The following PTPRG variants were observed in gnomAD, a reference collection of about 807,000 sequenced individuals.
The protein encoded by PTPRG is protein tyrosine phosphatase receptor type G.
A neutral mutation model predicts 165.3 loss-of-function variants in PTPRG; 102 were observed. The ratio of observed to expected loss-of-function variants is 0.62; its 90% CI spans 0.53 to 0.73. The LOEUF is 0.73. Ranked by LOEUF, PTPRG falls within the 30% of genes least tolerant of loss-of-function variation. PTPRG has a pLI of 0.00. For missense variants in PTPRG, 1,866 were observed against 1,861.4 expected, an observed-to-expected ratio of 1.00 and a Z score of -0.05; for synonymous variants, 675 against 669.5, an observed-to-expected ratio of 1.01 and a Z score of -0.13.
In PTPRG at chr3:61,747,196, A is replaced by G. The variant is rs2033243350; in HGVS notation, c.86-1682A>G. 2.0e-5 allele frequency among the ~76,000 whole-genome samples: 3 copies of G among 152,192 alleles called. No individual in the cohort carries two copies. In the South Asian group the frequency reaches 6.2e-4, roughly 32 times the overall value. ...TGCTCTGCTCACCATAACTTGCGTTATCTTTGTAACAGTCTTAGAAGGCTG... is the reference window on the plus strand; with the variant it reads ...TGCTCTGCTCACCATAACTTGCGTTGTCTTTGTAACAGTCTTAGAAGGCTG... On this transcript the variant is annotated intron_variant, in intron 1 of 29. Coordinates refer to ENST00000474889, the MANE Select transcript of PTPRG (RefSeq NM_002841.4).
rs879889661 is a variant in PTPRG, at chr3:62,112,304, A to G, written c.616-20298A>G. Among the ~76,000 whole-genome samples, 8 of 151,748 alleles carry G rather than the reference A, an allele frequency of 5.3e-5. No homozygotes were observed. The East Asian group carries it at 5.8e-4, about 11-fold the overall frequency. On this transcript the variant is annotated intron_variant, in intron 5 of 29. Coordinates refer to ENST00000474889, the MANE Select transcript of PTPRG (RefSeq NM_002841.4). ...ATTTTTACTAGAGGCGGGTTTCACT[A>G]TGTTGGCCAGGCTGGTCTCAAACTC... is the stretch of plus-strand genomic sequence containing the variant.
intron 2 of PTPRG, among the ~76,000 whole-genome samples, chr3:61,977,580 T>C (rs2107672468): frequency 7.6e-6 from 1 of 131,670 alleles, no homozygotes; most frequent in Middle Eastern, 3.8e-3. Flanking sequence ...TCTGTAATAA[T>C]AGTTCTGCAA....
Position 62,124,615 on chromosome 3 carries a change from CG to C in PTPRG, c.616-7986del. 4.5e-5 allele frequency: 7 copies of C among 155,802 alleles called. No homozygotes were observed. The South Asian group carries it at 4.8e-4, about 11-fold the overall frequency. The allele number at this position is 155,802 out of a possible 1,614,324, so 9.7% of individuals were successfully genotyped here. A position where few individuals can be genotyped will look rare whatever the true frequency, so the allele number is the denominator to read the frequency against. ...CGGGACTGAAGGCTTTCATGCTGACCGCGAGGGAAGGTGAGACCGGGAGGGA... is the reference window on the plus strand; with the variant it reads ...CGGGACTGAAGGCTTTCATGCTGACCCGAGGGAAGGTGAGACCGGGAGGGA... On this transcript the variant is annotated intron_variant, in intron 5 of 29. Coordinates refer to ENST00000474889, the MANE Select transcript of PTPRG (RefSeq NM_002841.4).
chr3:62,083,425 A>G (rs902133778), intron 5 of PTPRG, among the ~76,000 whole-genome samples: 2 of 152,108 alleles, frequency 1.3e-5, no homozygotes, highest in African/African-American at 4.8e-5. Flanking sequence ...AAAGGCAAAA[A>G]CCGCAATTAC....
chr3:61,570,988 C>T (rs1700040978), intron 1 of PTPRG, among the ~76,000 whole-genome samples: 1 of 152,058 alleles, frequency 6.6e-6, no homozygotes, highest in South Asian at 2.1e-4. Context: ...TATTCAGAAT[C>T]CACACCAAAA....
At chr3:62,109,336 T>C (rs950903524) in intron 5 of PTPRG, among the ~76,000 whole-genome samples, 2 of 152,218 alleles carry the variant, frequency 1.3e-5, no homozygotes, top group Non-Finnish European at 2.9e-5. Context: ...GTCAGGTTTG[T>C]CAAAGATCAG....
chr3:61,802,732 G>A (rs562481177), intron 2 of PTPRG, among the ~76,000 whole-genome samples: 108 of 152,196 alleles, frequency 7.1e-4, no homozygotes, highest in African/African-American at 2.5e-3. Context: ...GAGCCTCTTT[G>A]TATGACACCA....
At chr3:61,999,128 C>A (rs1255294247) in intron 3 of PTPRG, among the ~76,000 whole-genome samples, 1 of 152,118 alleles carries the variant, frequency 6.6e-6, no homozygotes, top group East Asian at 1.9e-4. Context: ...TCACCGCAGC[C>A]TCCGCCTCCT....
At chr3:61,956,150 C>G (rs1021595726) in intron 2 of PTPRG, among the ~76,000 whole-genome samples, 2 of 151,538 alleles carry the variant, frequency 1.3e-5, no homozygotes, top group African/African-American at 4.9e-5. Context: ...GTCTTTATCT[C>G]CAACAGATAT....
chr3:61,891,589 G>A (rs2038216477), intron 2 of PTPRG, among the ~76,000 whole-genome samples: 1 of 152,196 alleles, frequency 6.6e-6, no homozygotes, highest in African/African-American at 2.4e-5. Flanking sequence ...TTGAAAGAAT[G>A]AACTTTAAGG....
intron 10 of PTPRG, among the ~76,000 whole-genome samples, chr3:62,198,637 AT>A (rs1010444408): frequency 2.0e-5 from 3 of 152,242 alleles, no homozygotes. Flanking sequence ...TTGTCAAAAT[AT>A]TTTAAACACA....
Position 61,872,916 on chromosome 3 carries a change from G to A in PTPRG, c.191-116709G>A, listed in dbSNP as rs1575741209. On this transcript the variant is annotated intron_variant, in intron 2 of 29. Coordinates refer to ENST00000474889, the MANE Select transcript of PTPRG (RefSeq NM_002841.4). ...ATTTGGATAGGAAGATGCTCTCCTT[G>A]AAATTACCTTTTACCTTTGAGATCC... 2.0e-5 allele frequency among the ~76,000 whole-genome samples: 3 copies of A among 152,216 alleles called. No homozygotes were observed. In the Middle Eastern group the frequency reaches 0.01, roughly 518 times the overall value.
At chr3:61,704,046 C>A (rs1205037963) in intron 1 of PTPRG, among the ~76,000 whole-genome samples, 1 of 152,104 alleles carries the variant, frequency 6.6e-6, no homozygotes, top group East Asian at 1.9e-4. Context: ...TCCAGCTCTA[C>A]CCCCATAGGA....
intron 2 of PTPRG, among the ~76,000 whole-genome samples, chr3:61,908,907 G>A (rs1018616000): frequency 3.9e-5 from 6 of 152,198 alleles, no homozygotes; most frequent in Admixed American, 3.9e-4. Context: ...AGAGGGGTCT[G>A]AAATACTGCC....
chr3:62,021,545 A>G (rs2041691678), intron 4 of PTPRG, among the ~76,000 whole-genome samples: 1 of 152,158 alleles, frequency 6.6e-6, no homozygotes, highest in South Asian at 2.1e-4. Flanking sequence ...GGCCTTCATG[A>G]TGTACTTATG....
At chr3:61,968,053 AAG>A (rs2040308151) in intron 2 of PTPRG, among the ~76,000 whole-genome samples, 1 of 152,204 alleles carries the variant, frequency 6.6e-6, no homozygotes, top group South Asian at 2.1e-4. Flanking sequence ...GTTGAGAAAG[AAG>A]AGAGAAATTC....
chr3:62,267,499 C>A lies in PTPRG; in HGVS notation c.2739+7C>A. 6.3e-7 allele frequency: 1 copy of A among 1,599,388 alleles called. No homozygotes were observed. The highest frequency in any genetic ancestry group is 1.1e-5 in the South Asian group (1 of 89,222). On this transcript the variant is annotated splice_region_variant and intron_variant, in intron 18 of 29. Coordinates refer to ENST00000474889, the MANE Select transcript of PTPRG (RefSeq NM_002841.4). ...TAATGCAAACTATGTTGATGTAAGT[C>A]AGAACTGTTATTATAAACCTGTTTC...
intron 2 of PTPRG, among the ~76,000 whole-genome samples, chr3:61,941,955 T>C (rs1309632543): frequency 6.6e-6 from 1 of 151,854 alleles, no homozygotes; most frequent in East Asian, 1.9e-4. Flanking sequence ...GGTCAGGAGC[T>C]GGAGACCAGT....
At chr3:61,828,112 A>T (rs1266441950) in intron 2 of PTPRG, among the ~76,000 whole-genome samples, 2 of 152,102 alleles carry the variant, frequency 1.3e-5, no homozygotes, top group African/African-American at 4.8e-5. Flanking sequence ...TTTCTCTGGT[A>T]TGTGATTTTA....
Sources: allele counts gnomAD v4.1 joint callset (sites outside exome capture counted in the v4.1 genomes callset), GRCh38; gene constraint gnomAD v4.1.1; transcripts MANE v1.5; gene names NCBI Gene and HGNC (gene_info 2026-07-23, HGNC 2026-07-21).